Variants in UHRF2 observed in about 807,000 individuals in gnomAD.
The protein encoded by UHRF2 is ubiquitin like with PHD and ring finger domains 2, also known as E3 ubiquitin-protein ligase UHRF2.
A neutral mutation model predicts 96.8 loss-of-function variants in UHRF2; 23 were observed. The ratio of observed to expected loss-of-function variants is 0.24; its 90% CI spans 0.17 to 0.34. The LOEUF is 0.34. UHRF2 is among the 10% of genes least tolerant of loss of function. The pLI is 1.00. For synonymous variants in UHRF2, 385 were observed against 332.6 expected (o/e 1.16, Z -1.72); for missense variants, 685 against 981.5 (o/e 0.70, Z 4.04).
At chr9:6,420,259 G>C (rs1819851569) in intron 1 of UHRF2, among the ~76,000 whole-genome samples, 1 of 151,818 alleles carries the variant, frequency 6.6e-6, no homozygotes, top group Admixed American at 6.6e-5. Context: ...GTTTCACCAT[G>C]TTGGTCAGCC....
At chr9:6,421,663 C>T (rs1232188520) in intron 2 of UHRF2, among the ~76,000 whole-genome samples, 2 of 152,150 alleles carry the variant, frequency 1.3e-5, no homozygotes, top group African/African-American at 2.4e-5. Flanking sequence ...GTGGTCCGCC[C>T]ACCTCAGCCT....
chr9:6,436,064 A>G (rs1820830723), intron 3 of UHRF2, among the ~76,000 whole-genome samples: 1 of 152,222 alleles, frequency 6.6e-6, no homozygotes, highest in Non-Finnish European at 1.5e-5. Context: ...ACACTAAATG[A>G]CCTTAAGTCA....
intron 1 of UHRF2, among the ~76,000 whole-genome samples, chr9:6,416,252 C>T (rs964338557): frequency 1.3e-5 from 2 of 151,878 alleles, no homozygotes; most frequent in Non-Finnish European, 2.9e-5. Flanking sequence ...TTAGTAGAGA[C>T]GAGGTTTCAC....
At chr9:6,480,272 A>T (rs902925215) in intron 6 of UHRF2, among the ~76,000 whole-genome samples, 1 of 152,198 alleles carries the variant, frequency 6.6e-6, no homozygotes, top group African/African-American at 2.4e-5. Flanking sequence ...TGTCACATAT[A>T]ACCCTGATGT....
chr9:6,480,790 A>G (rs996900158), intron 6 of UHRF2, among the ~76,000 whole-genome samples: 42 of 152,144 alleles, frequency 2.8e-4, no homozygotes, highest in African/African-American at 9.9e-4. Context: ...CTCAAACATA[A>G]TTTGCTCAAG....
chr9:6,478,692 C>T (rs1182194745), intron 6 of UHRF2, among the ~76,000 whole-genome samples: 1 of 152,062 alleles, frequency 6.6e-6, no homozygotes, highest in Non-Finnish European at 1.5e-5. Flanking sequence ...ACGACTGAGT[C>T]AGAAATAACT....
intron 2 of UHRF2, among the ~76,000 whole-genome samples, chr9:6,431,248 G>A (rs1252721906): frequency 6.6e-6 from 1 of 152,118 alleles, no homozygotes; most frequent in African/African-American, 2.4e-5. Flanking sequence ...CCCAGTTTAT[G>A]TGCATTTCTG....
chr9:6,437,693 C>G (rs1027710719), intron 3 of UHRF2, among the ~76,000 whole-genome samples: 2 of 152,168 alleles, frequency 1.3e-5, no homozygotes, highest in Non-Finnish European at 2.9e-5. Context: ...TCTCAGGTCA[C>G]TGCAACCTCC....
intron 3 of UHRF2, among the ~76,000 whole-genome samples, chr9:6,436,018 G>A (rs541332357): frequency 4.1e-4 from 62 of 152,298 alleles, no homozygotes; most frequent in Admixed American, 1.4e-3. Context: ...ATTGTAGTAC[G>A]AAAGTTACTG....
intron 6 of UHRF2, among the ~76,000 whole-genome samples, chr9:6,480,827 T>G (rs1823882011): frequency 6.6e-6 from 1 of 152,210 alleles, no homozygotes. Flanking sequence ...TTTAAATTTT[T>G]CTCTCCTATA....
Position 6,434,148 on chromosome 9 carries a change from G to A in UHRF2, c.619G>A (p.Val207Ile), listed in dbSNP as rs371780891. The change falls in exon 3 of 16, where the codon GTT (valine) becomes ATT (isoleucine). Residue 207 changes from valine (V) to isoleucine (I), a missense_variant. By Grantham distance (29) the Val-to-Ile change is conservative. This residue lies in a region of UHRF2 where 391 missense variants were observed against 437.0 expected (regional missense o/e 0.89). Coordinates refer to ENST00000276893, the MANE Select transcript of UHRF2 (RefSeq NM_152896.3). ...NSDCVAADEDVIYHIQYDEYP... is the reference protein window; with the variant it reads ...NSDCVAADEDIIYHIQYDEYP... ...AGACTGTGTTGCTGCTGATGAAGAC[G>A]TTATTTACCATATCCAGTATGATGA... is the stretch of plus-strand genomic sequence containing the variant. 10 of 1,613,636 alleles carry A rather than the reference G, an allele frequency of 6.2e-6. No individual in the cohort carries two copies. The highest frequency in any genetic ancestry group is 5.3e-5 in the African/African-American group (4 of 74,918).
chr9:6,500,605 A>G lies in UHRF2; in HGVS notation c.2059A>G (p.Ile687Val), dbSNP rs568138081. The change falls in exon 14 of 16, where the codon ATT becomes GTT. Residue 687 changes from isoleucine (I) to valine (V), a missense_variant. Ile to Val is a conservative substitution (Grantham distance 29). Coordinates refer to ENST00000276893, the MANE Select transcript of UHRF2 (RefSeq NM_152896.3). ...VYKASDSAEA[I>V]EAFQLTPQQQ... ...CAAAGCATCAGATTCAGCAGAAGCA[A>G]TTGAGGCTTTTCAACTAACTCCTCA... The G allele has an allele frequency of 5.0e-6, 8 of 1,613,718 alleles. No homozygotes were observed. In the African/African-American group the frequency reaches 9.3e-5, roughly 19 times the overall value.
At chr9:6,415,729 T>C (rs1312821177) in intron 1 of UHRF2, among the ~76,000 whole-genome samples, 1 of 152,236 alleles carries the variant, frequency 6.6e-6, no homozygotes, top group African/African-American at 2.4e-5. Flanking sequence ...TTTTAATCTT[T>C]GGTATGTATC....
At chr9:6,488,292 A>C (rs2130932673) in intron 9 of UHRF2, among the ~76,000 whole-genome samples, 1 of 90,272 alleles carries the variant, frequency 1.1e-5, no homozygotes, top group African/African-American at 5.5e-5. Context: ...AAAAAAAAAA[A>C]AAAAAAAAAA....
At chr9:6,480,337 A>G (rs1823846020) in intron 6 of UHRF2, among the ~76,000 whole-genome samples, 1 of 152,180 alleles carries the variant, frequency 6.6e-6, no homozygotes, top group South Asian at 2.1e-4. Flanking sequence ...GCTTTCCTTC[A>G]CTACTATGTA....
At chr9:6,442,668 G>C (rs917846712) in intron 3 of UHRF2, among the ~76,000 whole-genome samples, 6 of 148,066 alleles carry the variant, frequency 4.1e-5, no homozygotes, top group Admixed American at 4.0e-4. Context: ...TTTTTTTTTG[G>C]GGGGGTAGAG....
intron 10 of UHRF2, chr9:6,494,379 A>G (rs1824846131): frequency 6.5e-6 from 1 of 154,206 alleles, no homozygotes; most frequent in African/African-American, 2.4e-5. Context: ...TACTGAATGT[A>G]CTTTTAGAAT....
chr9:6,468,919 G>A (rs1379568301), intron 4 of UHRF2, among the ~76,000 whole-genome samples: 1 of 152,210 alleles, frequency 6.6e-6, no homozygotes, highest in Admixed American at 6.5e-5. Flanking sequence ...CTCTCCAGCA[G>A]TAGGAAGGTT....
chr9:6,445,724 A>G (rs1821446146), intron 3 of UHRF2, among the ~76,000 whole-genome samples: 1 of 151,966 alleles, frequency 6.6e-6, no homozygotes, highest in African/African-American at 2.4e-5. Flanking sequence ...TAACTGGCTA[A>G]TTTAAAAAAT....
Sources: gnomAD v4.1 joint callset for allele counts (sites outside exome capture counted in the v4.1 genomes callset) on GRCh38, gnomAD v4.1.1 for gene constraint, gnomAD v4.1.1 regional missense constraint, MANE v1.5 for transcripts, NCBI Gene and HGNC (gene_info 2026-07-23, HGNC 2026-07-21) for gene names.